Variants in CNTNAP2 observed in about 807,000 individuals in gnomAD.
CNTNAP2 encodes contactin-associated protein-like 2.
In CNTNAP2, 98 loss-of-function variants were observed where a neutral mutation model predicts 155.2. The observed-to-expected ratio is 0.63, with a 90% CI of 0.54 to 0.75. The LOEUF (loss-of-function observed/expected upper bound fraction) is 0.75. Among genes scored for constraint, CNTNAP2 ranks in the 30% least tolerant of loss-of-function variants. CNTNAP2 has a pLI of 0.00. For missense variants in CNTNAP2, 1,727 were observed against 1,688.1 expected (o/e 1.02, Z -0.40); for synonymous variants, 651 against 631.2 (o/e 1.03, Z -0.47).
intron 1 of CNTNAP2, among the ~76,000 whole-genome samples, chr7:146,770,718 A>T (rs1288764958): frequency 1.3e-5 from 2 of 152,062 alleles, no homozygotes; most frequent in Non-Finnish European, 2.9e-5. Context: ...AAAATTTGGT[A>T]CTCAGATGAT....
intron 10 of CNTNAP2, among the ~76,000 whole-genome samples, chr7:147,424,040 C>T (rs1315045123): frequency 6.6e-6 from 1 of 152,132 alleles, no homozygotes; most frequent in Non-Finnish European, 1.5e-5. Context: ...TGGGGAAAAC[C>T]ACACACCTAT....
intron 13 of CNTNAP2, among the ~76,000 whole-genome samples, chr7:147,744,115 A>C (rs952888177): frequency 1.3e-5 from 2 of 152,242 alleles, no homozygotes; most frequent in Non-Finnish European, 2.9e-5. Flanking sequence ...CACAATTACC[A>C]TTGAAGAAAT....
At chr7:147,109,930 T>C (rs902276299) in intron 5 of CNTNAP2, among the ~76,000 whole-genome samples, 97 of 138,972 alleles carry the variant, frequency 7.0e-4, no homozygotes, top group Middle Eastern at 3.7e-3. Flanking sequence ...TATTTATTTA[T>C]TTACTTATTT....
intron 16 of CNTNAP2, among the ~76,000 whole-genome samples, chr7:148,129,237 G>A (rs1295750938): frequency 6.6e-6 from 1 of 151,816 alleles, no homozygotes; most frequent in Non-Finnish European, 1.5e-5. Context: ...ACATAGTCAC[G>A]GGCATTTTAG....
intron 18 of CNTNAP2, among the ~76,000 whole-genome samples, chr7:148,198,200 G>A (rs543474442): frequency 1.2e-4 from 19 of 152,310 alleles, no homozygotes; most frequent in African/African-American, 4.1e-4. Flanking sequence ...ACCCCCCATG[G>A]CAGCAGATCA....
chr7:146,494,586 G>A (rs1480771945), intron 1 of CNTNAP2, among the ~76,000 whole-genome samples: 1 of 152,018 alleles, frequency 6.6e-6, no homozygotes, highest in Non-Finnish European at 1.5e-5. Context: ...GAATCTGAAA[G>A]GCAAATAACC....
rs781236853 is a variant in CNTNAP2 at position 148,267,036 on chromosome 7, G to C, written c.3385G>C (p.Asp1129His). The C allele has an allele frequency of 1.5e-5, 24 of 1,613,942 alleles. No homozygotes were observed. Among genetic ancestry groups the C allele is most frequent in the Admixed American group, 5.0e-5 (3 of 60,004 alleles). Residue 1129 changes from aspartate to histidine, a missense_variant, in exon 21 of 24, where the codon GAT (aspartate) becomes CAT (histidine). By Grantham distance (81) the Asp-to-His change is moderately conservative. Coordinates refer to ENST00000361727, the MANE Select transcript of CNTNAP2 (RefSeq NM_014141.6). Reference sequence around the variant, plus strand: ...GTCTCTTGTTTTCCTCCTGCAGCTCGATCATTATCCTTCTGTGAGTTACCA... The same window carrying C: ...GTCTCTTGTTTTCCTCCTGCAGCTCCATCATTATCCTTCTGTGAGTTACCA... ...RHEKTIFLKLDHYPSVSYHLP... is the reference protein window; with the variant it reads ...RHEKTIFLKLHHYPSVSYHLP...
intron 8 of CNTNAP2, among the ~76,000 whole-genome samples, chr7:147,170,641 A>G (rs1024069405): frequency 6.6e-6 from 1 of 152,118 alleles, no homozygotes; most frequent in Non-Finnish European, 1.5e-5. Context: ...CTCCTGAGCC[A>G]TAGGATCCAA....
chr7:146,473,845 C>G (rs922188607), intron 1 of CNTNAP2, among the ~76,000 whole-genome samples: 1 of 152,144 alleles, frequency 6.6e-6, no homozygotes. Context: ...TTTTGTTCTT[C>G]CAAAAATAAC....
At position 146,210,043 on chromosome 7, in the gene CNTNAP2, C is replaced by T. The variant is rs73453811; in HGVS notation, c.97+93070C>T. Among the ~76,000 whole-genome samples, 748 of 152,202 alleles carry T rather than the reference C, an allele frequency of 4.9e-3. 9 individuals are homozygous for T. Among genetic ancestry groups the T allele is most frequent in the African/African-American group, 0.017 (711 of 41,508 alleles). On this transcript the variant is annotated intron_variant, in intron 1 of 23. Coordinates refer to ENST00000361727, the MANE Select transcript of CNTNAP2 (RefSeq NM_014141.6). ...TACCATTCCCACCTCCTCCCTTCTC[C>T]CCCAGATTAAATCTGTTAGTGTTTT...
At chr7:146,305,820 C>T (rs1375298833) in intron 1 of CNTNAP2, among the ~76,000 whole-genome samples, 1 of 152,090 alleles carries the variant, frequency 6.6e-6, no homozygotes, top group African/African-American at 2.4e-5. Context: ...GACATCCTAA[C>T]ATCACAATTA....
intron 12 of CNTNAP2, among the ~76,000 whole-genome samples, chr7:147,573,341 A>T (rs1230697918): frequency 1.3e-5 from 2 of 152,220 alleles, no homozygotes; most frequent in African/African-American, 4.8e-5. Context: ...AGATTTCTGA[A>T]CAAAATCAGC....
intron 18 of CNTNAP2, among the ~76,000 whole-genome samples, chr7:148,186,606 G>A (rs377136039): frequency 6.6e-6 from 1 of 152,278 alleles, no homozygotes; most frequent in East Asian, 1.9e-4. Flanking sequence ...CTCTATTAAA[G>A]ATGGAGAATG....
At chr7:148,007,886 T>G (rs1254220638) in intron 15 of CNTNAP2, among the ~76,000 whole-genome samples, 1 of 152,162 alleles carries the variant, frequency 6.6e-6, no homozygotes, top group Admixed American at 6.6e-5. Flanking sequence ...AAAAGGTATC[T>G]GTGAGAGGCA....
intron 22 of CNTNAP2, among the ~76,000 whole-genome samples, chr7:148,398,905 T>G (rs375749644): frequency 6.6e-6 from 1 of 152,210 alleles, no homozygotes; most frequent in East Asian, 1.9e-4. Context: ...AAATATCCCT[T>G]TTTGACTTAC....
intron 21 of CNTNAP2, among the ~76,000 whole-genome samples, chr7:148,290,872 T>A (rs1354628660): frequency 6.6e-6 from 1 of 152,182 alleles, no homozygotes; most frequent in East Asian, 1.9e-4. Context: ...AATCGTTAAG[T>A]ACAGAGAGCT....
intron 14 of CNTNAP2, among the ~76,000 whole-genome samples, chr7:147,910,736 G>A (rs1474855680): frequency 5.3e-5 from 8 of 152,238 alleles, no homozygotes; most frequent in African/African-American, 1.4e-4. Flanking sequence ...GATCTCATGA[G>A]ACTTAGTCCC....
rs545592519 is a variant in CNTNAP2 at position 148,204,564 on chromosome 7, G to GA, written c.3011-12724_3011-12723insA. Among the ~76,000 whole-genome samples the GA allele has an allele frequency of 1.8e-3, 280 of 152,252 alleles. 7 individuals are homozygous for GA. Among genetic ancestry groups the GA allele is most frequent in the Admixed American group, 0.018 (277 of 15,292 alleles). Reference sequence around the variant, plus strand: ...ACAAAAGTTTATCAAAAGTAATAGGGCTTTTGTAGATTTTTGGTTTTTCTT... The same window carrying GA: ...ACAAAAGTTTATCAAAAGTAATAGGGACTTTTGTAGATTTTTGGTTTTTCTT... On this transcript the variant is annotated intron_variant, in intron 18 of 23. Coordinates refer to ENST00000361727, the MANE Select transcript of CNTNAP2 (RefSeq NM_014141.6).
chr7:146,889,827 A>G (rs1795741304), intron 3 of CNTNAP2, among the ~76,000 whole-genome samples: 1 of 151,866 alleles, frequency 6.6e-6, no homozygotes, highest in Admixed American at 6.6e-5. Context: ...ATCAATCCCC[A>G]TGTCTTTCTT....
Sources: allele counts gnomAD v4.1 joint callset (sites outside exome capture counted in the v4.1 genomes callset), GRCh38; gene constraint gnomAD v4.1.1; transcripts MANE v1.5; gene names NCBI Gene and HGNC (gene_info 2026-07-23, HGNC 2026-07-21).